The following ST7 variants were observed in gnomAD, a reference collection of about 807,000 sequenced individuals.
The protein encoded by ST7 is suppressor of tumorigenicity 7 protein.
ST7 carries 28 observed loss-of-function variants against 78.7 expected under a neutral mutation model. The ratio of observed to expected loss-of-function variants is 0.36; its 90% CI spans 0.26 to 0.49. The LOEUF (loss-of-function observed/expected upper bound fraction) is 0.49, where lower values mean the gene tolerates loss of function less well. ST7 is among the 20% of genes least tolerant of loss of function. The pLI is 0.99. For synonymous variants in ST7, 247 were observed against 249.6 expected (o/e 0.99, Z 0.10); for missense variants, 418 against 696.0 (o/e 0.60, Z 4.49).
rs1803286090 is a variant in ST7, at chr7:117,120,560, T to C, written c.394+840T>C. On this transcript the variant is annotated intron_variant, in intron 3 of 15. Transcript: ENST00000323984. Reference sequence around the variant, plus strand: ...TAGTCACATGAAGCCAGTTTTTATTTCTTGAACATGCCATGTTTCTCATGA... The same window carrying C: ...TAGTCACATGAAGCCAGTTTTTATTCCTTGAACATGCCATGTTTCTCATGA... Among the ~76,000 whole-genome samples the C allele has an allele frequency of 2.0e-5, 3 of 152,316 alleles. No individual in the cohort carries two copies. The South Asian group carries it at 6.2e-4, about 32-fold the overall frequency.
At chr7:117,006,848 C>G (rs936549951) in intron 1 of ST7, among the ~76,000 whole-genome samples, 1 of 152,170 alleles carries the variant, frequency 6.6e-6, no homozygotes, top group Non-Finnish European at 1.5e-5. Context: ...TTATGGTGAG[C>G]TGTGATCAGT....
At chr7:117,195,843 C>T (rs955799456) in intron 12 of ST7, among the ~76,000 whole-genome samples, 59 of 152,302 alleles carry the variant, frequency 3.9e-4, no homozygotes, top group African/African-American at 1.4e-3. Flanking sequence ...ATGCACATCA[C>T]TGTACAGTAA....
rs1332230609 is a variant in ST7, at chr7:117,097,906, ATATTTTTT to A, written c.152-1854_152-1847del. Among the ~76,000 whole-genome samples, 48 of 30,914 alleles carry A rather than the reference ATATTTTTT, an allele frequency of 1.6e-3. 2 individuals carry two copies. The highest frequency in any genetic ancestry group is 6.2e-3 in the African/African-American group (46 of 7,392). The allele number at this position is 30,914 out of a possible 152,430, so 20.3% of individuals were successfully genotyped here. On this transcript the variant is annotated intron_variant, in intron 1 of 15. Transcript: ENST00000323984. ...TATATATATATATATATATATATAT[ATATTTTTT>A]TTTTTTTTTTTTTTGATGGCCAGGC...
At chr7:117,161,596 T>TC (rs1807158550) in intron 9 of ST7, among the ~76,000 whole-genome samples, 1 of 144,698 alleles carries the variant, frequency 6.9e-6, no homozygotes, top group South Asian at 2.2e-4. Flanking sequence ...TCTTTCTTTT[T>TC]TTTTTTTTTT....
chr7:116,966,087 G>T, intron 1 of ST7: 1 of 460,430 alleles, frequency 2.2e-6, no homozygotes, highest in Non-Finnish European at 4.5e-6. Context: ...TAAAATATAA[G>T]GTCCATTTTA....
intron 1 of ST7, among the ~76,000 whole-genome samples, chr7:116,973,674 T>C (rs1793553824): frequency 6.6e-6 from 1 of 152,226 alleles, no homozygotes; most frequent in African/African-American, 2.4e-5. Context: ...TCCCATGTAT[T>C]TAATGTATTC....
chr7:117,052,881 A>C (rs1797859529), intron 1 of ST7, among the ~76,000 whole-genome samples: 1 of 152,236 alleles, frequency 6.6e-6, no homozygotes, highest in Non-Finnish European at 1.5e-5. Context: ...GCGACACAGC[A>C]AGATTACATC....
intron 12 of ST7, among the ~76,000 whole-genome samples, chr7:117,199,876 C>A (rs1563162515): frequency 6.6e-6 from 1 of 152,172 alleles, no homozygotes; most frequent in Non-Finnish European, 1.5e-5. Flanking sequence ...AAGCCAGATC[C>A]CGTGCTTTGC....
chr7:117,194,248 T>C (rs993936186), intron 12 of ST7, among the ~76,000 whole-genome samples: 2 of 152,214 alleles, frequency 1.3e-5, no homozygotes, highest in South Asian at 2.1e-4. Context: ...CCAGCTCCCA[T>C]AGGAAAAGGC....
intron 1 of ST7, among the ~76,000 whole-genome samples, chr7:117,093,746 G>A (rs574673745): frequency 1.3e-5 from 2 of 152,086 alleles, no homozygotes; most frequent in South Asian, 2.1e-4. Flanking sequence ...AAAAACAGCC[G>A]TCATAATACA....
At chr7:117,002,803 A>AT (rs1157061487) in intron 1 of ST7, among the ~76,000 whole-genome samples, 1 of 101,114 alleles carries the variant, frequency 9.9e-6, no homozygotes, top group Non-Finnish European at 2.0e-5. Context: ...CATCTACTGA[A>AT]TTTTTTTTCC....
chr7:117,024,738 C>G (rs1405001727), intron 1 of ST7, among the ~76,000 whole-genome samples: 2 of 152,160 alleles, frequency 1.3e-5, no homozygotes, highest in African/African-American at 2.4e-5. Flanking sequence ...ATGGCTGTGT[C>G]AGGGGATCAG....
chr7:117,077,821 G>A (rs1366094734), intron 1 of ST7, among the ~76,000 whole-genome samples: 1 of 148,824 alleles, frequency 6.7e-6, no homozygotes, highest in Non-Finnish European at 1.5e-5. Context: ...GAGTTCTGTT[G>A]TGAAAGAGGT....
intron 1 of ST7, among the ~76,000 whole-genome samples, chr7:117,093,439 C>A (rs1800781298): frequency 6.6e-6 from 1 of 152,186 alleles, no homozygotes; most frequent in Non-Finnish European, 1.5e-5. Flanking sequence ...CAGTGGCTCA[C>A]ACCTGTAATG....
At chr7:116,959,586 A>G (rs1353810317) in intron 1 of ST7, 1 of 184,034 alleles carries the variant, frequency 5.4e-6, no homozygotes, top group African/African-American at 2.4e-5. Context: ...TATGTGCCCC[A>G]TCTAAGTTTG....
intron 12 of ST7, among the ~76,000 whole-genome samples, chr7:117,192,453 A>G (rs1300201923): frequency 6.6e-6 from 1 of 152,250 alleles, no homozygotes; most frequent in Non-Finnish European, 1.5e-5. Context: ...AAGTTAGGAT[A>G]TAAGCCCTGC....
chr7:117,170,876 C>A lies in ST7; in HGVS notation c.978C>A (p.Phe326Leu). Residue 326 changes from phenylalanine (F) to leucine (L), a missense_variant, in exon 10 of 16, where the codon TTC becomes TTA. Around this residue, in one of 4 missense-constraint regions of ST7, gnomAD observed 288 missense variants for 537.1 expected, o/e 0.54. Transcript: ENST00000323984. ...TTCTGCCCTAGTTAATGAAGGAGTT[C>A]CCCCTTCTGAGTATGTTCAATATCC... is the stretch of plus-strand genomic sequence containing the variant. ...VKMMRDLMKE[F>L]PLLSMFNIHE... The A allele has an allele frequency of 6.3e-7, 1 of 1,592,908 alleles. No homozygotes were observed. The highest frequency in any genetic ancestry group is 8.6e-7 in the Non-Finnish European group (1 of 1,167,270).
At chr7:117,056,479 T>TG (rs1198139851) in intron 1 of ST7, among the ~76,000 whole-genome samples, 2 of 151,382 alleles carry the variant, frequency 1.3e-5, no homozygotes, top group African/African-American at 2.4e-5. Context: ...CTAAAAAAAA[T>TG]ACAAAATTAG....
At chr7:116,987,043 C>T (rs1176876599) in intron 1 of ST7, among the ~76,000 whole-genome samples, 1 of 152,188 alleles carries the variant, frequency 6.6e-6, no homozygotes, top group Non-Finnish European at 1.5e-5. Flanking sequence ...TTTGTGCTAC[C>T]AATCCTTCAG....
Sources: gnomAD v4.1 joint callset for allele counts (sites outside exome capture counted in the v4.1 genomes callset) on GRCh38, gnomAD v4.1.1 for gene constraint, gnomAD v4.1.1 regional missense constraint, MANE v1.5 for transcripts, NCBI Gene and HGNC (gene_info 2026-07-23, HGNC 2026-07-21) for gene names.